Variants in BEND4 observed in about 807,000 individuals in gnomAD.
BEND4 encodes the protein BEN domain containing 4.
BEND4 carries 27 observed loss-of-function variants against 54.7 expected under a neutral mutation model. The ratio of observed to expected loss-of-function variants is 0.49; its 90% CI spans 0.36 to 0.68. The LOEUF is 0.68. Ranked by LOEUF, BEND4 falls within the 30% of genes least tolerant of loss-of-function variation. The pLI is 0.00. For missense variants in BEND4, 702 were observed against 697.2 expected (o/e 1.01, Z -0.08); for synonymous variants, 327 against 299.5 (o/e 1.09, Z -0.95).
intron 4 of BEND4, among the ~76,000 whole-genome samples, chr4:42,122,328 G>A (rs1720095991): frequency 1.3e-5 from 2 of 152,140 alleles, no homozygotes; most frequent in African/African-American, 4.8e-5. Context: ...TTGTGGTGAG[G>A]AGACCAGCCG....
At chr4:42,142,339 G>A (rs1435317104) in intron 3 of BEND4, among the ~76,000 whole-genome samples, 1 of 150,968 alleles carries the variant, frequency 6.6e-6, no homozygotes, top group African/African-American at 2.4e-5. Context: ...GTAAAATCAC[G>A]GCTGGCGCAG....
chr4:42,130,218 C>T (rs1720454840), intron 3 of BEND4, among the ~76,000 whole-genome samples: 1 of 152,162 alleles, frequency 6.6e-6, no homozygotes, highest in Non-Finnish European at 1.5e-5. Context: ...CAGTGGTTCA[C>T]GCCTGTAATC....
rs1057100381 is a variant in BEND4 at position 42,111,166 on chromosome 4, C to T, written c.*6352G>A. The T allele has an allele frequency of 3.9e-5, 6 of 152,192 alleles. No individual in the cohort carries two copies. Among genetic ancestry groups the T allele is most frequent in the African/African-American group, 1.2e-4 (5 of 41,452 alleles). The allele number at this position is 152,192 out of a possible 1,614,324, so 9.4% of individuals were successfully genotyped here. A position where few individuals can be genotyped will look rare whatever the true frequency, so the allele number is the denominator to read the frequency against. On this transcript the variant is annotated 3_prime_UTR_variant, in exon 6 of 6. Transcript: ENST00000502486. Reference sequence around the variant, plus strand: ...AACACTTAAAAAACAACTTACTCTTCTATATAAATTGTTCACAAAAAAATC... The same window carrying T: ...AACACTTAAAAAACAACTTACTCTTTTATATAAATTGTTCACAAAAAAATC...
chr4:42,135,798 C>CA (rs527880643), intron 3 of BEND4, among the ~76,000 whole-genome samples: 3 of 151,646 alleles, frequency 2.0e-5, no homozygotes, highest in East Asian at 1.9e-4. Flanking sequence ...AACAAACATA[C>CA]AAAAAAAACA....
intron 2 of BEND4, among the ~76,000 whole-genome samples, chr4:42,148,451 T>A (rs1015913013): frequency 6.6e-6 from 1 of 152,238 alleles, no homozygotes; most frequent in African/African-American, 2.4e-5. Flanking sequence ...ACCATCGGTA[T>A]ATAAAATAGG....
intron 3 of BEND4, among the ~76,000 whole-genome samples, chr4:42,133,355 T>C (rs1470547016): frequency 1.3e-5 from 2 of 152,216 alleles, no homozygotes; most frequent in African/African-American, 4.8e-5. Context: ...AGGGATGTTA[T>C]TTAAAGCCAC....
chr4:42,140,551 C>T (rs1720846285), intron 3 of BEND4, among the ~76,000 whole-genome samples: 1 of 152,138 alleles, frequency 6.6e-6, no homozygotes, highest in African/African-American at 2.4e-5. Flanking sequence ...ATCAAGAAGG[C>T]TCAAGAAATG....
intron 3 of BEND4, among the ~76,000 whole-genome samples, chr4:42,139,366 A>G (rs1209917443): frequency 6.6e-6 from 1 of 152,178 alleles, no homozygotes; most frequent in East Asian, 1.9e-4. Context: ...CTGATCATCA[A>G]AAGACTGTGT....
chr4:42,130,207 G>A (rs890817412), intron 3 of BEND4, among the ~76,000 whole-genome samples: 4 of 152,100 alleles, frequency 2.6e-5, no homozygotes, highest in Non-Finnish European at 4.4e-5. Context: ...GAGGCTGGGC[G>A]CAGTGGTTCA....
chr4:42,127,944 C>T (rs546716120), intron 3 of BEND4, among the ~76,000 whole-genome samples: 22 of 152,052 alleles, frequency 1.4e-4, no homozygotes, highest in Non-Finnish European at 2.9e-4. Context: ...GGGAGGATCG[C>T]TTGAGCCCAG....
At chr4:42,139,582 T>A (rs573586819) in intron 3 of BEND4, among the ~76,000 whole-genome samples, 3 of 151,360 alleles carry the variant, frequency 2.0e-5, no homozygotes, top group East Asian at 3.9e-4. Context: ...GTATAAAGGC[T>A]TTATTTCAGA....
chr4:42,130,933 G>A (rs113812644), intron 3 of BEND4, among the ~76,000 whole-genome samples: 7,812 of 152,202 alleles, frequency 0.051, 702 homozygotes, highest in African/African-American at 0.18. Flanking sequence ...GGATGAAGCT[G>A]GAAGCCATTA....
At chr4:42,117,802 C>T in intron 5 of BEND4, 67 bp from the exon 6 acceptor site, 1 of 1,087,084 alleles carries the variant, frequency 9.2e-7, no homozygotes, top group Non-Finnish European at 1.3e-6. Context: ...CAGAAGATGA[C>T]AGGGCAGGCT....
At chr4:42,135,769 C>T (rs1720676318) in intron 3 of BEND4, among the ~76,000 whole-genome samples, 1 of 151,756 alleles carries the variant, frequency 6.6e-6, no homozygotes, top group Admixed American at 6.6e-5. Flanking sequence ...AGCAAGACTC[C>T]GTCTAAAAAA....
chr4:42,114,245 C>A lies in BEND4; in HGVS notation c.*3273G>T, dbSNP rs1428003517. ...CATATCATTTGAGGGTCATCCTGAGCCTGGCTGGAACTGAGCTTGGGGCTT... is the reference window on the plus strand; with the variant it reads ...CATATCATTTGAGGGTCATCCTGAGACTGGCTGGAACTGAGCTTGGGGCTT... On this transcript the variant is annotated 3_prime_UTR_variant, in exon 6 of 6. Transcript: ENST00000502486. 1.3e-5 allele frequency: 2 copies of A among 152,142 alleles called. No individual in the cohort carries two copies. The highest frequency in any genetic ancestry group is 6.5e-5 in the Admixed American group (1 of 15,272). The allele number at this position is 152,142 out of a possible 1,614,324, so 9.4% of individuals were successfully genotyped here. A position where few individuals can be genotyped will look rare whatever the true frequency, so the allele number is the denominator to read the frequency against.
chr4:42,120,203 C>A lies in BEND4; in HGVS notation c.1238G>T (p.Arg413Leu). Residue 413 changes from arginine (R) to leucine (L), a missense_variant, in exon 5 of 6, where the codon CGG (arginine) becomes CTG (leucine). Arg to Leu is a moderately radical substitution (Grantham distance 102). Transcript: ENST00000502486. Reference protein sequence around the residue: ...AVNSSKKDGRRLLRYLIRFVF... With the variant: ...AVNSSKKDGRLLLRYLIRFVF... ...AAATCTGATGAGGTATCGAAGGAGCCGTCTCCCATCTTTCTTTGAAGAATT... is the reference window on the plus strand; with the variant it reads ...AAATCTGATGAGGTATCGAAGGAGCAGTCTCCCATCTTTCTTTGAAGAATT... The A allele has an allele frequency of 1.2e-6, 2 of 1,613,910 alleles. No individual in the cohort carries two copies. The highest frequency in any genetic ancestry group is 1.7e-6 in the Non-Finnish European group (2 of 1,179,872).
chr4:42,130,436 C>A (rs192728158), intron 3 of BEND4, among the ~76,000 whole-genome samples: 1 of 146,294 alleles, frequency 6.8e-6, no homozygotes, highest in Non-Finnish European at 1.5e-5. Context: ...GCCGAGATCA[C>A]GCCATTGCAC....
Position 42,117,627 on chromosome 4 carries a change from G to GCC in BEND4, c.1494_1495dup (p.Ala499GlyfsTer63). 6.2e-7 allele frequency: 1 copy of GCC among 1,612,320 alleles called. No homozygotes were observed. The highest frequency in any genetic ancestry group is 8.5e-7 in the Non-Finnish European group (1 of 1,179,146). On this transcript the variant is annotated frameshift_variant, in exon 6 of 6. Coordinates refer to ENST00000502486, the MANE Select transcript of BEND4 (RefSeq NM_207406.4). LOFTEE classifies it high-confidence loss of function. ...ACCGTTGTGCAGGAAAGTCCCCACC[G>GCC]CCCGCCCCTGTCGGGCGTGACCGAC...
chr4:42,149,977 G>GCA (rs1052814238), intron 2 of BEND4, among the ~76,000 whole-genome samples: 1 of 152,260 alleles, frequency 6.6e-6, no homozygotes, highest in Non-Finnish European at 1.5e-5. Flanking sequence ...ACTGACCTGG[G>GCA]CAGATAGAGG....
Sources: allele counts gnomAD v4.1 joint callset (sites outside exome capture counted in the v4.1 genomes callset), GRCh38; gene constraint gnomAD v4.1.1; transcripts MANE v1.5; gene names NCBI Gene and HGNC (gene_info 2026-07-23, HGNC 2026-07-21).